The following RPH3A variants were observed in gnomAD, a reference collection of about 807,000 sequenced individuals.
RPH3A encodes the protein rabphilin 3A.
Under a neutral mutation model 102.2 loss-of-function variants are expected in RPH3A, and 48 were observed. The observed-to-expected ratio is 0.47, with a 90% CI of 0.37 to 0.60. RPH3A has a LOEUF of 0.60. Ranked by LOEUF, RPH3A falls within the 20% of genes least tolerant of loss-of-function variation. RPH3A has a pLI of 0.00. For synonymous variants in RPH3A, 310 were observed against 324.3 expected (o/e 0.96, Z 0.47); for missense variants, 781 against 910.1 (o/e 0.86, Z 1.83).
chr12:112,842,335 T>G (rs1367676454), intron 4 of RPH3A, among the ~76,000 whole-genome samples: 1 of 152,250 alleles, frequency 6.6e-6, no homozygotes, highest in African/African-American at 2.4e-5. Context: ...TCCTAGAATC[T>G]ACACTAAACA....
At position 112,846,357 on chromosome 12, in the gene RPH3A, G is replaced by A. The variant is rs1471426526; in HGVS notation, c.84-1339G>A. Among the ~76,000 whole-genome samples, 6 of 152,308 alleles carry A rather than the reference G, an allele frequency of 3.9e-5. No individual in the cohort carries two copies. In the East Asian group the frequency reaches 7.7e-4, roughly 20 times the overall value. On this transcript the variant is annotated intron_variant, in intron 4 of 21. Transcript: ENST00000389385. ...CCAGAGGCATCCCATCCAAGGGCAC[G>A]CGTGGGAAGGCAAGGTGTGTTTCCA...
intron 1 of RPH3A, among the ~76,000 whole-genome samples, chr12:112,739,470 C>T (rs2040693094): frequency 6.6e-6 from 1 of 152,182 alleles, no homozygotes; most frequent in African/African-American, 2.4e-5. Context: ...GCCCTTATGC[C>T]TGCCCTTAAC....
intron 1 of RPH3A, among the ~76,000 whole-genome samples, chr12:112,746,546 T>C (rs564078181): frequency 6.6e-6 from 1 of 152,164 alleles, no homozygotes; most frequent in Middle Eastern, 3.4e-3. Flanking sequence ...TGCCCTTCTT[T>C]TATAGGAAAA....
At chr12:112,652,384 G>A (rs2135997960) in intron 1 of RPH3A, among the ~76,000 whole-genome samples, 1 of 152,294 alleles carries the variant, frequency 6.6e-6, no homozygotes, top group Non-Finnish European at 1.5e-5. Flanking sequence ...GGCTGAGGTG[G>A]GAGGATTGCT....
chr12:112,709,714 C>G (rs1265222853), intron 1 of RPH3A, among the ~76,000 whole-genome samples: 2 of 152,090 alleles, frequency 1.3e-5, no homozygotes, highest in Non-Finnish European at 2.9e-5. Flanking sequence ...GCTGTTTAAA[C>G]CAAGCTTGTA....
intron 3 of RPH3A, among the ~76,000 whole-genome samples, chr12:112,831,531 T>C (rs1247451573): frequency 1.3e-5 from 2 of 152,080 alleles, no homozygotes; most frequent in African/African-American, 4.8e-5. Context: ...TAACTCCATA[T>C]ATTAGACATT....
Position 112,880,442 on chromosome 12 carries a change from C to T in RPH3A, c.1251+1244C>T, listed in dbSNP as rs139343145. ...TTCTGAGGTAGGGATTCTTATTAGCCCCATTGTACAGATGGGGAAACAGGC... is the reference window on the plus strand; with the variant it reads ...TTCTGAGGTAGGGATTCTTATTAGCTCCATTGTACAGATGGGGAAACAGGC... On this transcript the variant is annotated intron_variant, in intron 14 of 21. Transcript: ENST00000389385. Among the ~76,000 whole-genome samples the T allele has an allele frequency of 1.6e-3, 237 of 152,182 alleles. 1 individual carries two copies. The highest frequency in any genetic ancestry group is 0.015 in the East Asian group (80 of 5,188).
At chr12:112,675,765 A>G (rs2040170077) in intron 1 of RPH3A, among the ~76,000 whole-genome samples, 1 of 152,186 alleles carries the variant, frequency 6.6e-6, no homozygotes, top group African/African-American at 2.4e-5. Context: ...TTGCATTCTT[A>G]AAAATTGGAT....
chr12:112,801,332 A>G (rs1386376164), intron 2 of RPH3A, among the ~76,000 whole-genome samples: 1 of 152,242 alleles, frequency 6.6e-6, no homozygotes, highest in Non-Finnish European at 1.5e-5. Context: ...CTCATCACAC[A>G]GAGCATGCAG....
intron 1 of RPH3A, among the ~76,000 whole-genome samples, chr12:112,745,792 A>G (rs895795617): frequency 2.0e-5 from 3 of 152,186 alleles, no homozygotes; most frequent in African/African-American, 4.8e-5. Context: ...CCCATAGCTC[A>G]TCTTCCAGCA....
intron 1 of RPH3A, among the ~76,000 whole-genome samples, chr12:112,632,471 C>T (rs2039813902): frequency 6.6e-6 from 1 of 152,160 alleles, no homozygotes; most frequent in Non-Finnish European, 1.5e-5. Flanking sequence ...CAAGCAGTTC[C>T]ACTCTGTTCC....
intron 1 of RPH3A, among the ~76,000 whole-genome samples, chr12:112,612,745 C>CA (rs1566228564): frequency 6.9e-6 from 1 of 145,798 alleles, no homozygotes; most frequent in Non-Finnish European, 1.5e-5. Context: ...TTGTATTTTT[C>CA]TTTTTTTTTT....
In RPH3A at chr12:112,818,123, AC is replaced by A. The variant is rs566456614; in HGVS notation, c.-18-10174del. On this transcript the variant is annotated intron_variant, in intron 2 of 21. Coordinates refer to ENST00000389385, the MANE Select transcript of RPH3A (RefSeq NM_001143854.2). ...GTCAGGAGATCGAGACCATGGTGAA[AC>A]CCCGTCTCTACTAAAAATACAAAAA... Among the ~76,000 whole-genome samples the A allele has an allele frequency of 4.3e-3, 651 of 151,532 alleles. 3 individuals carry two copies. Among genetic ancestry groups the A allele is most frequent in the Non-Finnish European group, 5.7e-3 (387 of 67,890 alleles).
chr12:112,778,912 C>T (rs1391609195), intron 1 of RPH3A, among the ~76,000 whole-genome samples: 1 of 152,172 alleles, frequency 6.6e-6, no homozygotes, highest in African/African-American at 2.4e-5. Context: ...TGGACATGTG[C>T]TAACTCCTGG....
chr12:112,642,359 C>T lies in RPH3A; in HGVS notation c.-140+67040C>T, dbSNP rs575884550. Among the ~76,000 whole-genome samples, 5 of 152,156 alleles carry T rather than the reference C, an allele frequency of 3.3e-5. No individual in the cohort carries two copies. The East Asian group carries it at 9.6e-4, about 29-fold the overall frequency. On this transcript the variant is annotated intron_variant, in intron 1 of 21. Transcript: ENST00000543106. ...GCAAAGTCATACATTAATAGGGGTG[C>T]CAGATTTAGCAAATAAAAATTCAGG...
chr12:112,891,694 G>A (rs920827196), intron 19 of RPH3A, among the ~76,000 whole-genome samples: 3 of 152,326 alleles, frequency 2.0e-5, no homozygotes, highest in Middle Eastern at 3.4e-3. Context: ...GAGTCCTCAA[G>A]CCAAAACTGG....
intron 8 of RPH3A, 50 bp from the exon 9 acceptor site, chr12:112,869,709 C>T: frequency 6.3e-7 from 1 of 1,586,576 alleles, no homozygotes; most frequent in East Asian, 2.2e-5. Context: ...ACCGGTTTTC[C>T]AGACACCAGA....
At chr12:112,765,001 T>G (rs1939930319) in intron 1 of RPH3A, among the ~76,000 whole-genome samples, 1 of 152,220 alleles carries the variant, frequency 6.6e-6, no homozygotes, top group South Asian at 2.1e-4. Context: ...TGCTTCTGTA[T>G]AATTGTCTGA....
chr12:112,881,891 C>T (rs2042920887), intron 15 of RPH3A, 45 bp downstream of exon 15: 1 of 1,493,190 alleles, frequency 6.7e-7, no homozygotes, highest in African/African-American at 1.4e-5. Context: ...TGCATGGGCC[C>T]TGGCAGATAC....
Sources: gnomAD v4.1 joint callset for allele counts (sites outside exome capture counted in the v4.1 genomes callset) on GRCh38, gnomAD v4.1.1 for gene constraint, MANE v1.5 for transcripts, NCBI Gene and HGNC (gene_info 2026-07-23, HGNC 2026-07-21) for gene names.